Variants in FAF1 observed in about 807,000 individuals in gnomAD.
FAF1 encodes the protein FAS-associated factor 1.
A neutral mutation model predicts 92.5 loss-of-function variants in FAF1; 25 were observed. That is an observed-to-expected ratio of 0.27 (90% CI 0.20 to 0.38). FAF1 has a LOEUF of 0.38. FAF1 is among the 10% of genes least tolerant of loss of function. FAF1 has a pLI of 1.00. For synonymous variants in FAF1, 234 were observed against 273.2 expected, an observed-to-expected ratio of 0.86 and a Z score of 1.42; for missense variants, 636 against 793.3, an observed-to-expected ratio of 0.80 and a Z score of 2.38.
At chr1:50,621,143 C>G (rs1653181776) in intron 8 of FAF1, among the ~76,000 whole-genome samples, 1 of 152,218 alleles carries the variant, frequency 6.6e-6, no homozygotes, top group African/African-American at 2.4e-5. Flanking sequence ...TGCCACAGCC[C>G]TGGAAGTACC....
intron 6 of FAF1, among the ~76,000 whole-genome samples, chr1:50,714,273 C>T (rs1385638984): frequency 2.0e-5 from 3 of 148,466 alleles, no homozygotes; most frequent in East Asian, 2.0e-4. Flanking sequence ...GAGGCTGAGG[C>T]GGGTGGATTA....
chr1:50,590,991 AAAAG>A lies in FAF1; in HGVS notation c.840+5126_840+5129del, dbSNP rs559152441. 3.3e-5 allele frequency among the ~76,000 whole-genome samples: 5 copies of A among 152,144 alleles called. No homozygotes were observed. In the East Asian group the frequency reaches 7.7e-4, roughly 24 times the overall value. On this transcript the variant is annotated intron_variant, in intron 9 of 18. Coordinates refer to ENST00000396153, the MANE Select transcript of FAF1 (RefSeq NM_007051.3). ...AGCGAGACTCTGTCTCCAAAAAAAA[AAAAG>A]AAAGAAAGAAAGGGGTCATTCTTAT...
At chr1:50,862,821 C>A (rs1320841544) in intron 1 of FAF1, among the ~76,000 whole-genome samples, 1 of 151,766 alleles carries the variant, frequency 6.6e-6, no homozygotes, top group Non-Finnish European at 1.5e-5. Flanking sequence ...GATAAAGGGA[C>A]TAGTACAACA....
chr1:50,908,170 A>T (rs1644855261), intron 1 of FAF1, among the ~76,000 whole-genome samples: 1 of 152,180 alleles, frequency 6.6e-6, no homozygotes, highest in South Asian at 2.1e-4. Context: ...GTTTCCATGT[A>T]GTTGAGTGGT....
chr1:50,960,114 A>G lies in FAF1; in HGVS notation c.-303T>C. The G allele has an allele frequency of 2.6e-6, 1 of 382,720 alleles. No homozygotes were observed. Among genetic ancestry groups the G allele is most frequent in the East Asian group, 3.7e-5 (1 of 27,132 alleles). The allele number at this position is 382,720 out of a possible 1,614,324, so 23.7% of individuals were successfully genotyped here. ...TCCGGTCTTACAGTCGCGGGCCAGG[A>G]TGAGGGCAGGTTGCGACAGCGCGCA... On this transcript the variant is annotated 5_prime_UTR_variant, in exon 1 of 19. Transcript: ENST00000396153.
intron 1 of FAF1, among the ~76,000 whole-genome samples, chr1:50,889,506 C>A (rs1276909510): frequency 6.6e-6 from 1 of 152,166 alleles, no homozygotes; most frequent in Non-Finnish European, 1.5e-5. Context: ...GCATTTAGTG[C>A]TATAAATTTC....
In FAF1 at chr1:50,475,666, G is replaced by A. The variant is rs769590503; in HGVS notation, c.1667C>T (p.Ser556Phe). ...QEEEREAIRL[S>F]LEQALPPEPK... ...CTCAGGAGGCAGGGCTTGCTCTAAG[G>A]ACAGCCGGATGGCCTAGGGAGAGCA... The change falls in exon 18 of 19, where the codon TCC becomes TTC. Residue 556 changes from serine to phenylalanine, a missense_variant. By Grantham distance (155) the Ser-to-Phe change is radical. Coordinates refer to ENST00000396153, the MANE Select transcript of FAF1 (RefSeq NM_007051.3). 6.2e-7 allele frequency: 1 copy of A among 1,613,698 alleles called. No homozygotes were observed. Among genetic ancestry groups the A allele is most frequent in the Admixed American group, 1.7e-5 (1 of 59,990 alleles).
chr1:50,572,520 C>T (rs756427348), intron 12 of FAF1, among the ~76,000 whole-genome samples: 14 of 152,156 alleles, frequency 9.2e-5, no homozygotes, highest in African/African-American at 2.7e-4. Flanking sequence ...TTCTACAATG[C>T]TATTCTTGTA....
intron 6 of FAF1, among the ~76,000 whole-genome samples, chr1:50,711,729 T>G (rs1170547130): frequency 6.6e-6 from 1 of 152,188 alleles, no homozygotes; most frequent in Non-Finnish European, 1.5e-5. Flanking sequence ...CCTCCCAAAG[T>G]GCTGGGATTA....
chr1:50,764,757 A>G (rs1400083509), intron 4 of FAF1, among the ~76,000 whole-genome samples: 11 of 152,246 alleles, frequency 7.2e-5, no homozygotes, highest in Non-Finnish European at 1.2e-4. Context: ...GCAAAAGTAG[A>G]AATTCTGTTA....
chr1:50,867,916 T>C (rs1376865702), intron 1 of FAF1, among the ~76,000 whole-genome samples: 8 of 152,222 alleles, frequency 5.3e-5, no homozygotes, highest in South Asian at 2.1e-4. Context: ...TACAAAAATA[T>C]GGAACCAGCC....
chr1:50,643,505 G>A (rs944702124), intron 8 of FAF1, among the ~76,000 whole-genome samples: 1 of 151,988 alleles, frequency 6.6e-6, no homozygotes, highest in African/African-American at 2.4e-5. Context: ...CATTGTCTAA[G>A]CTGTTATTTA....
At chr1:50,567,714 G>T (rs1184694989) in intron 12 of FAF1, among the ~76,000 whole-genome samples, 2 of 152,002 alleles carry the variant, frequency 1.3e-5, no homozygotes, top group African/African-American at 2.4e-5. Flanking sequence ...AAAGGAAAAG[G>T]TCTGAAATCA....
chr1:50,494,621 T>C (rs1446418191), intron 15 of FAF1, among the ~76,000 whole-genome samples: 1 of 152,220 alleles, frequency 6.6e-6, no homozygotes, highest in East Asian at 1.9e-4. Flanking sequence ...GCAGCTTTCT[T>C]TGTAACATAC....
intron 6 of FAF1, among the ~76,000 whole-genome samples, chr1:50,720,966 T>G (rs985905589): frequency 6.6e-6 from 1 of 152,216 alleles, no homozygotes; most frequent in African/African-American, 2.4e-5. Context: ...TTCAATCATT[T>G]GATCATTCTT....
chr1:50,847,420 A>T (rs78239982), intron 2 of FAF1, among the ~76,000 whole-genome samples: 16 of 116,594 alleles, frequency 1.4e-4, no homozygotes, highest in South Asian at 2.4e-4. Context: ...GCCTGAAATT[A>T]AAAAAAAAAA....
chr1:50,596,991 C>G (rs1011822529), intron 8 of FAF1, among the ~76,000 whole-genome samples: 8 of 151,918 alleles, frequency 5.3e-5, no homozygotes, highest in Non-Finnish European at 1.2e-4. Flanking sequence ...ACAAATGAAA[C>G]CAAAACAAAA....
intron 18 of FAF1, among the ~76,000 whole-genome samples, chr1:50,467,704 G>C (rs953037130): frequency 1.3e-5 from 2 of 152,070 alleles, no homozygotes; most frequent in African/African-American, 4.8e-5. Context: ...AAGAACACAG[G>C]CTCCGCAGTC....
chr1:50,448,747 A>G (rs1646258321), intron 18 of FAF1, among the ~76,000 whole-genome samples: 5 of 152,206 alleles, frequency 3.3e-5, no homozygotes, highest in Admixed American at 2.6e-4. Context: ...CCGGTAACAA[A>G]GGAGGTGATA....
Sources: allele counts gnomAD v4.1 joint callset (sites outside exome capture counted in the v4.1 genomes callset), GRCh38; gene constraint gnomAD v4.1.1; transcripts MANE v1.5; gene names NCBI Gene and HGNC (gene_info 2026-07-23, HGNC 2026-07-21).